NCAM2: variants seen among roughly 807,000 people sequenced by gnomAD.
The protein encoded by NCAM2 is neural cell adhesion molecule 2.
In NCAM2, 30 loss-of-function variants were observed where a neutral mutation model predicts 98.1. The observed-to-expected ratio is 0.31, with a 90% CI of 0.23 to 0.41. NCAM2 has a LOEUF of 0.41. Among genes scored for constraint, NCAM2 ranks in the 10% least tolerant of loss-of-function variants. The pLI is 1.00. For missense variants in NCAM2, 867 were observed against 1,005.8 expected (o/e 0.86, Z 1.87); for synonymous variants, 368 against 342.4 (o/e 1.07, Z -0.83).
intron 15 of NCAM2, among the ~76,000 whole-genome samples, 182 bp downstream of exon 15, chr21:21,477,653 A>T (rs1985340570): frequency 6.6e-6 from 1 of 152,144 alleles, no homozygotes; most frequent in Non-Finnish European, 1.5e-5. Context: ...GGTATTGCTT[A>T]ATTTGTAAAT....
At chr21:21,479,043 A>G (rs1985513414) in intron 15 of NCAM2, among the ~76,000 whole-genome samples, 1 of 152,162 alleles carries the variant, frequency 6.6e-6, no homozygotes, top group Non-Finnish European at 1.5e-5. Context: ...GTATTCCCAT[A>G]CTGAGCCAGA....
In NCAM2 at chr21:21,158,932, G is replaced by A. The variant is rs140276520; in HGVS notation, c.56-121646G>A. On this transcript the variant is annotated intron_variant, in intron 1 of 17. Transcript: ENST00000400546. ...TAAAGAGCCTCAAACAAGTTCATCAGGAGGTATTCCAAAAGCAGACCTTGT... is the reference window on the plus strand; with the variant it reads ...TAAAGAGCCTCAAACAAGTTCATCAAGAGGTATTCCAAAAGCAGACCTTGT... Among the ~76,000 whole-genome samples the A allele has an allele frequency of 9.2e-5, 14 of 152,194 alleles. No individual in the cohort carries two copies. In the East Asian group the frequency reaches 2.7e-3, roughly 29 times the overall value.
intron 1 of NCAM2, among the ~76,000 whole-genome samples, chr21:21,215,334 T>G (rs1335323528): frequency 6.6e-6 from 1 of 152,198 alleles, no homozygotes; most frequent in Non-Finnish European, 1.5e-5. Context: ...AGCAACATTG[T>G]TGAGGTATTT....
intron 1 of NCAM2, among the ~76,000 whole-genome samples, chr21:21,147,778 G>A (rs1306260705): frequency 7.3e-6 from 1 of 137,866 alleles, no homozygotes; most frequent in African/African-American, 2.6e-5. Flanking sequence ...ATATGCACTG[G>A]TGTGTATATA....
chr21:21,324,547 T>G, intron 6 of NCAM2, 47 bp downstream of exon 6: 1 of 1,220,992 alleles, frequency 8.2e-7, no homozygotes, highest in South Asian at 1.3e-5. Flanking sequence ...ATTATCAGGC[T>G]TATGGAACAG....
chr21:21,496,002 A>G (rs915030720), intron 15 of NCAM2, among the ~76,000 whole-genome samples: 11 of 139,128 alleles, frequency 7.9e-5, no homozygotes, highest in African/African-American at 2.9e-4. Context: ...GTATATATAT[A>G]TGAAATATAT....
chr21:21,465,824 G>A (rs1158657582), intron 12 of NCAM2, among the ~76,000 whole-genome samples: 1 of 151,898 alleles, frequency 6.6e-6, no homozygotes, highest in African/African-American at 2.4e-5. Flanking sequence ...AAAGAAAGTG[G>A]CAACTATAAA....
At chr21:21,057,787 T>C (rs975310086) in intron 1 of NCAM2, among the ~76,000 whole-genome samples, 3 of 152,132 alleles carry the variant, frequency 2.0e-5, no homozygotes, top group African/African-American at 4.8e-5. Flanking sequence ...ATCATCTACC[T>C]GTGCTCCTAA....
chr21:21,402,617 C>T (rs2076656665), intron 9 of NCAM2, among the ~76,000 whole-genome samples: 1 of 152,120 alleles, frequency 6.6e-6, no homozygotes, highest in Non-Finnish European at 1.5e-5. Context: ...ATGTGACCTA[C>T]TCCCTGTTTG....
At chr21:21,526,167 G>C (rs1989312103) in intron 16 of NCAM2, among the ~76,000 whole-genome samples, 1 of 152,020 alleles carries the variant, frequency 6.6e-6, no homozygotes, top group South Asian at 2.1e-4. Context: ...AAGGCATATT[G>C]ATTGGGAAGG....
At chr21:21,453,051 A>T (rs1416727272) in intron 12 of NCAM2, among the ~76,000 whole-genome samples, 2 of 120,890 alleles carry the variant, frequency 1.7e-5, no homozygotes, top group Admixed American at 2.1e-4. Context: ...ATACATATAT[A>T]AAAATATAAA....
Position 21,537,499 on chromosome 21 carries a change from A to G in NCAM2, c.2403-347A>G, listed in dbSNP as rs375451250. 9.8e-5 allele frequency among the ~76,000 whole-genome samples: 15 copies of G among 152,288 alleles called. No homozygotes were observed. The East Asian group carries it at 2.1e-3, about 22-fold the overall frequency. On this transcript the variant is annotated intron_variant, in intron 17 of 17. Transcript: ENST00000400546. ...TGTAATTATATTTTGGAGATCAACA[A>G]CTAGTTACCAAATCTAAGCCACCCT...
chr21:21,477,547 CTTA>C, intron 15 of NCAM2, 76 bp downstream of exon 15: 1 of 1,143,574 alleles, frequency 8.7e-7, no homozygotes, highest in Non-Finnish European at 1.2e-6. Context: ...ACTGACTTTT[CTTA>C]TTAATAATTA....
intron 1 of NCAM2, among the ~76,000 whole-genome samples, chr21:21,004,828 G>T (rs1290746368): frequency 6.6e-6 from 1 of 152,086 alleles, no homozygotes; most frequent in Non-Finnish European, 1.5e-5. Flanking sequence ...AAATAACTAA[G>T]ATTGTACTGC....
At chr21:21,345,117 G>T (rs1274653109) in intron 8 of NCAM2, among the ~76,000 whole-genome samples, 2 of 152,040 alleles carry the variant, frequency 1.3e-5, no homozygotes, top group African/African-American at 4.8e-5. Flanking sequence ...CAATACCCAA[G>T]GTTTTTCAAA....
intron 1 of NCAM2, among the ~76,000 whole-genome samples, chr21:21,058,517 CAT>C (rs2065257603): frequency 1.3e-5 from 2 of 152,134 alleles, no homozygotes; most frequent in East Asian, 3.9e-4. Flanking sequence ...TAAAAAGAAA[CAT>C]GTAGCTATTT....
At chr21:21,065,179 C>G (rs1374147354) in intron 1 of NCAM2, among the ~76,000 whole-genome samples, 1 of 150,246 alleles carries the variant, frequency 6.7e-6, no homozygotes, top group Admixed American at 6.6e-5. Flanking sequence ...GACTCTCTCT[C>G]AAAAAAAACA....
At chr21:21,081,772 G>C (rs2065805310) in intron 1 of NCAM2, among the ~76,000 whole-genome samples, 1 of 151,710 alleles carries the variant, frequency 6.6e-6, no homozygotes, top group Non-Finnish European at 1.5e-5. Flanking sequence ...CTGCACTCCA[G>C]CCAGGGTGGC....
chr21:21,362,081 G>A (rs767479447), intron 8 of NCAM2, among the ~76,000 whole-genome samples: 17 of 151,668 alleles, frequency 1.1e-4, no homozygotes, highest in Admixed American at 2.0e-4. Flanking sequence ...TGCCTTGGCC[G>A]AAACCATTGT....
Sources: allele counts gnomAD v4.1 joint callset (sites outside exome capture counted in the v4.1 genomes callset), GRCh38; gene constraint gnomAD v4.1.1; transcripts MANE v1.5; gene names NCBI Gene and HGNC (gene_info 2026-07-23, HGNC 2026-07-21).